Variants in SLCO3A1 observed in about 807,000 individuals in gnomAD.
SLCO3A1 encodes the protein PGE1 transporter.
In SLCO3A1, 27 loss-of-function variants were observed where a neutral mutation model predicts 63.1. The observed-to-expected ratio is 0.43, with a 90% CI of 0.32 to 0.59. The LOEUF (loss-of-function observed/expected upper bound fraction) is 0.59. Among genes scored for constraint, SLCO3A1 ranks in the 20% least tolerant of loss-of-function variants. The probability of loss-of-function intolerance (pLI) is 0.09; values close to 1 mark genes in which losing one functional copy is unlikely to be tolerated. For synonymous variants in SLCO3A1, 473 were observed against 409.9 expected, an observed-to-expected ratio of 1.15 and a Z score of -1.86; for missense variants, 773 against 945.8, an observed-to-expected ratio of 0.82 and a Z score of 2.40.
chr15:91,910,732 A>G (rs1898458995), intron 1 of SLCO3A1, among the ~76,000 whole-genome samples: 1 of 152,046 alleles, frequency 6.6e-6, no homozygotes, highest in African/African-American at 2.4e-5. Context: ...TGCATGCACA[A>G]CCTCTCTGCC....
intron 1 of SLCO3A1, among the ~76,000 whole-genome samples, chr15:91,904,365 C>T (rs894165164): frequency 2.6e-5 from 4 of 152,184 alleles, no homozygotes; most frequent in African/African-American, 7.2e-5. Context: ...CTTCTCCTAA[C>T]GCTGGGGGAG....
intron 1 of SLCO3A1, among the ~76,000 whole-genome samples, chr15:91,876,129 AC>A (rs1234144150): frequency 6.6e-6 from 1 of 151,970 alleles, no homozygotes; most frequent in Non-Finnish European, 1.5e-5. Context: ...ACATGGTGAA[AC>A]CCCTTCTCTA....
At chr15:91,955,579 GC>G (rs369826577) in intron 2 of SLCO3A1, among the ~76,000 whole-genome samples, 23 of 152,156 alleles carry the variant, frequency 1.5e-4, no homozygotes, top group African/African-American at 5.3e-4. Flanking sequence ...GTAATCCACC[GC>G]CTCAGCCTAC....
rs951392723 is a variant in SLCO3A1, at chr15:91,883,457, C to T, written c.180+29369C>T. 2.0e-5 allele frequency among the ~76,000 whole-genome samples: 3 copies of T among 152,196 alleles called. No homozygotes were observed. The highest frequency in any genetic ancestry group is 1.3e-4 in the Admixed American group (2 of 15,284). ...GTTCTCTTGCTCTGAGGCTGGGGCT[C>T]CCCGGAGGGATGTACCTCGCACTGA... On this transcript the variant is annotated intron_variant, in intron 1 of 9. Coordinates refer to ENST00000318445, the MANE Select transcript of SLCO3A1 (RefSeq NM_013272.4). The surrounding 1 kb of genome is among the most constrained non-coding windows in gnomAD (Gnocchi z 4.8).
chr15:91,907,031 C>T (rs911570770), intron 1 of SLCO3A1, among the ~76,000 whole-genome samples: 4 of 151,714 alleles, frequency 2.6e-5, no homozygotes, highest in Admixed American at 6.6e-5. Context: ...ACATTTGCCT[C>T]AGTTTTACTT....
In SLCO3A1 at chr15:92,054,163, G is replaced by A. The variant is rs147625465; in HGVS notation, c.647-40718G>A. 4.4e-3 allele frequency among the ~76,000 whole-genome samples: 665 copies of A among 152,282 alleles called. 6 individuals are homozygous for A. The highest frequency in any genetic ancestry group is 0.015 in the African/African-American group (639 of 41,548). ...CTGGGGGCTCCTTCAGTTGGCTGCT[G>A]TGTCCCTTTGACGTACCCCATCGAT... is the stretch of plus-strand genomic sequence containing the variant. On this transcript the variant is annotated intron_variant, in intron 2 of 9. Transcript: ENST00000318445.
Position 91,884,348 on chromosome 15 carries a change from A to G in SLCO3A1, c.180+30260A>G, listed in dbSNP as rs142626127. ...ACATGGGGAAACACCGTCTCTACTT[A>G]AAAAAATACAAAAATTAGCCAGATG... On this transcript the variant is annotated intron_variant, in intron 1 of 9. Transcript: ENST00000318445. 2.4e-4 allele frequency among the ~76,000 whole-genome samples: 37 copies of G among 152,054 alleles called. No individual in the cohort carries two copies. In the East Asian group the frequency reaches 4.8e-3, roughly 20 times the overall value.
At chr15:92,094,426 A>G (rs17695811) in intron 2 of SLCO3A1, among the ~76,000 whole-genome samples, 61,787 of 152,140 alleles carry the variant, frequency 0.41, 12,692 homozygotes, top group Admixed American at 0.46. Context: ...AATTTGTGGC[A>G]TAGATTATCC....
chr15:91,926,596 T>TGTGTGTGTGCGCGCGCGCGC, intron 2 of SLCO3A1, among the ~76,000 whole-genome samples: 9 of 105,312 alleles, frequency 8.5e-5, no homozygotes, highest in African/African-American at 3.3e-4. Context: ...TGTGTGTGTG[T>TGTGTGTGTGCGCGCGCGCGC]GCGCGCGCGC....
chr15:91,952,665 G>C (rs1488239587), intron 2 of SLCO3A1, among the ~76,000 whole-genome samples: 6 of 152,198 alleles, frequency 3.9e-5, no homozygotes, highest in African/African-American at 1.4e-4. Flanking sequence ...GATTGCACCT[G>C]TGTTTCTGAT....
chr15:92,074,012 G>A (rs1596076804), intron 2 of SLCO3A1, among the ~76,000 whole-genome samples: 1 of 152,142 alleles, frequency 6.6e-6, no homozygotes, highest in Non-Finnish European at 1.5e-5. Flanking sequence ...TCTACTAAAA[G>A]TACAAAAAAT....
At chr15:92,126,652 A>G (rs187715878) in intron 6 of SLCO3A1, among the ~76,000 whole-genome samples, 171 of 152,318 alleles carry the variant, frequency 1.1e-3, no homozygotes, top group Admixed American at 3.7e-3. Flanking sequence ...TTAGGCTCAC[A>G]TGGCAATTAC....
At position 92,028,979 on chromosome 15, in the gene SLCO3A1, C is replaced by CGT. The variant is rs2046612788; in HGVS notation, c.647-65902_647-65901insGT. Among the ~76,000 whole-genome samples the CGT allele has an allele frequency of 7.2e-5, 10 of 138,588 alleles. 1 individual carries two copies. The South Asian group carries it at 2.3e-3, about 32-fold the overall frequency. The allele number at this position is 138,588 out of a possible 152,430, so 90.9% of individuals were successfully genotyped here. ...AGAAAACCCCTGACCCATGGTCAAA[C>CGT]AACCCCCAAAACTGCCAGTTGATTA... On this transcript the variant is annotated intron_variant, in intron 2 of 9. Coordinates refer to ENST00000318445, the MANE Select transcript of SLCO3A1 (RefSeq NM_013272.4).
At chr15:92,095,097 CCTCTG>C in intron 3 of SLCO3A1, 118 bp downstream of exon 3, 2 of 289,340 alleles carry the variant, frequency 6.9e-6, no homozygotes, top group African/African-American at 2.4e-5. Context: ...GATGCCCCTG[CCTCTG>C]TAGCTGGGGC....
At chr15:92,009,638 T>G (rs1260953685) in intron 2 of SLCO3A1, among the ~76,000 whole-genome samples, 1 of 152,210 alleles carries the variant, frequency 6.6e-6, no homozygotes, top group Non-Finnish European at 1.5e-5. Context: ...AGTCTCAGTT[T>G]CCTTCCAACA....
intron 1 of SLCO3A1, among the ~76,000 whole-genome samples, chr15:91,887,459 C>T (rs2151353031): frequency 6.6e-6 from 1 of 152,306 alleles, no homozygotes; most frequent in Admixed American, 6.5e-5. Context: ...GCACCCCCTC[C>T]ATTCAGTGAC....
rs1897631794 is a variant in SLCO3A1, at chr15:91,883,004, A to G, written c.180+28916A>G. On this transcript the variant is annotated intron_variant, in intron 1 of 9. Coordinates refer to ENST00000318445, the MANE Select transcript of SLCO3A1 (RefSeq NM_013272.4). This position sits in a 1 kb window ranked among gnomAD's most constrained non-coding sequence, Gnocchi z 4.8. ...TGAGTAAGGGAATGACAGATGGGAC[A>G]GCAGCCACCATGCAAGCCAGGCAGG... is the stretch of plus-strand genomic sequence containing the variant. Among the ~76,000 whole-genome samples the G allele has an allele frequency of 6.6e-6, 1 of 152,242 alleles. No homozygotes were observed. Among genetic ancestry groups the G allele is most frequent in the South Asian group, 2.1e-4 (1 of 4,836 alleles).
rs1205552731 is a variant in SLCO3A1, at chr15:91,865,205, A to G, written c.180+11117A>G. 6.6e-6 allele frequency among the ~76,000 whole-genome samples: 1 copy of G among 152,248 alleles called. No individual in the cohort carries two copies. The highest frequency in any genetic ancestry group is 1.5e-5 in the Non-Finnish European group (1 of 68,044). Reference sequence around the variant, plus strand: ...TTTTGTACTTTATTTGGGAACAGGAATAAGTGGGGACTTGACATTTTATTT... The same window carrying G: ...TTTTGTACTTTATTTGGGAACAGGAGTAAGTGGGGACTTGACATTTTATTT... On this transcript the variant is annotated intron_variant, in intron 1 of 9. Transcript: ENST00000318445. The surrounding 1 kb of genome is among the most constrained non-coding windows in gnomAD (Gnocchi z 4.6).
intron 7 of SLCO3A1, among the ~76,000 whole-genome samples, chr15:92,142,970 C>G (rs2048154695): frequency 6.6e-6 from 1 of 152,042 alleles, no homozygotes; most frequent in South Asian, 2.1e-4. Context: ...AGAAAGCTCA[C>G]CGATCACATG....
Sources: gnomAD v4.1 joint callset for allele counts (sites outside exome capture counted in the v4.1 genomes callset) on GRCh38, gnomAD v4.1.1 for gene constraint, Gnocchi (gnomAD v3.1) non-coding constraint, MANE v1.5 for transcripts, NCBI Gene and HGNC (gene_info 2026-07-23, HGNC 2026-07-21) for gene names.